GRIP1: variants seen among roughly 807,000 people sequenced by gnomAD.
GRIP1 encodes glutamate receptor interacting protein 1, also known as glutamate receptor-interacting protein 1.
In GRIP1, 45 loss-of-function variants were observed where a neutral mutation model predicts 129.9. That is an observed-to-expected ratio of 0.35 (90% confidence interval 0.27 to 0.44). The LOEUF (loss-of-function observed/expected upper bound fraction) is 0.44, where lower values mean the gene tolerates loss of function less well. GRIP1 is among the 20% of genes least tolerant of loss of function. GRIP1 has a pLI of 1.00. For synonymous variants in GRIP1, 530 were observed against 520.8 expected (o/e 1.02, Z -0.24); for missense variants, 1,196 against 1,396.8 (o/e 0.86, Z 2.29).
At chr12:66,894,511 C>G (rs1484601749) in intron 1 of GRIP1, among the ~76,000 whole-genome samples, 1 of 152,138 alleles carries the variant, frequency 6.6e-6, no homozygotes, top group Non-Finnish European at 1.5e-5. Context: ...AACAATGCTC[C>G]TTCTAGCTGC....
At chr12:66,980,841 G>T (rs1406398363) in intron 1 of GRIP1, among the ~76,000 whole-genome samples, 3 of 152,080 alleles carry the variant, frequency 2.0e-5, no homozygotes, top group African/African-American at 7.2e-5. Context: ...CGATTATTCA[G>T]TTTATTCATG....
chr12:66,815,854 T>TCTCTCTCTCTCTC lies in GRIP1; in HGVS notation c.59-218928_59-218927insGAGAGAGAGAGAG, dbSNP rs374620257. Among the ~76,000 whole-genome samples, 10 of 116,830 alleles carry TCTCTCTCTCTCTC rather than the reference T, an allele frequency of 8.6e-5. No individual in the cohort carries two copies. The South Asian group carries it at 9.9e-4, about 12-fold the overall frequency. 76.6% of individuals were successfully genotyped at this position (116,830 alleles called of 152,430 possible). A position where few individuals can be genotyped will look rare whatever the true frequency, so the allele number is the denominator to read the frequency against. On this transcript the variant is annotated intron_variant, in intron 1 of 1. Coordinates refer to the GRIP1 transcript ENST00000643019. ...TTTCTTTCTTTCTTTCTTTCTTTCT[T>TCTCTCTCTCTCTC]TCTCTCTCTCTCTCTCTCTCTCTCT... is the stretch of plus-strand genomic sequence containing the variant.
At chr12:66,437,089 T>A (rs978108587) in intron 13 of GRIP1, among the ~76,000 whole-genome samples, 1 of 152,118 alleles carries the variant, frequency 6.6e-6, no homozygotes, top group African/African-American at 2.4e-5. Flanking sequence ...GAGGAATTTG[T>A]CTCTGAGGTC....
rs118171463 is a variant in GRIP1, at chr12:66,944,408, C to T, written c.58+124642G>A. On this transcript the variant is annotated intron_variant, in intron 1 of 1. Transcript: ENST00000643019. ...CCTTTTAAGTAAATGTGACATATGG[C>T]TTGAAATTCAAGTTGATAGGATACT... 6.7e-3 allele frequency among the ~76,000 whole-genome samples: 1,022 copies of T among 152,024 alleles called. 6 individuals are homozygous for T. Among genetic ancestry groups the T allele is most frequent in the Non-Finnish European group, 0.011 (741 of 68,004 alleles).
intron 1 of GRIP1, among the ~76,000 whole-genome samples, chr12:66,799,515 GAAGT>G (rs1284111264): frequency 6.6e-6 from 1 of 152,078 alleles, no homozygotes; most frequent in African/African-American, 2.4e-5. Flanking sequence ...AAGCACTAGA[GAAGT>G]AAGGACAGCC....
chr12:66,519,498 C>T (rs79573731), intron 5 of GRIP1, among the ~76,000 whole-genome samples: 3,475 of 152,214 alleles, frequency 0.023, 124 homozygotes, highest in African/African-American at 0.08. Flanking sequence ...AGCAAGAAAT[C>T]GTTCCATAAT....
chr12:66,697,524 C>A (rs1272384955), intron 1 of GRIP1, among the ~76,000 whole-genome samples: 1 of 152,180 alleles, frequency 6.6e-6, no homozygotes, highest in Admixed American at 6.5e-5. Flanking sequence ...GCCGACAACA[C>A]AAATGCACCT....
chr12:66,999,269 C>A (rs1452015637), intron 1 of GRIP1, among the ~76,000 whole-genome samples: 1 of 152,094 alleles, frequency 6.6e-6, no homozygotes, highest in Non-Finnish European at 1.5e-5. Flanking sequence ...TGATTAATAT[C>A]TTATTTTATA....
At chr12:66,666,229 A>G (rs978342251) in intron 1 of GRIP1, among the ~76,000 whole-genome samples, 2 of 152,174 alleles carry the variant, frequency 1.3e-5, no homozygotes, top group Non-Finnish European at 1.5e-5. Context: ...AATATTTTTC[A>G]CTGGAGAATC....
At chr12:66,919,182 T>A (rs1261678007) in intron 1 of GRIP1, among the ~76,000 whole-genome samples, 1 of 152,200 alleles carries the variant, frequency 6.6e-6, no homozygotes. Flanking sequence ...AAATTATCAA[T>A]TTTTTAAGTG....
chr12:66,597,058 G>T, intron 1 of GRIP1, 131 bp from the exon 2 acceptor site: 1 of 742,346 alleles, frequency 1.3e-6, no homozygotes, highest in Non-Finnish European at 2.5e-6. Flanking sequence ...GTAGGCCTGG[G>T]TCCTATACTT....
At chr12:66,766,144 C>T (rs189380316) in intron 1 of GRIP1, among the ~76,000 whole-genome samples, 7 of 152,268 alleles carry the variant, frequency 4.6e-5, no homozygotes, top group South Asian at 2.1e-4. Flanking sequence ...GCTGACAACT[C>T]GAAACACTAG....
chr12:66,519,157 C>A (rs2060930456), intron 5 of GRIP1, among the ~76,000 whole-genome samples: 1 of 152,072 alleles, frequency 6.6e-6, no homozygotes, highest in Non-Finnish European at 1.5e-5. Flanking sequence ...AATTAAAAGG[C>A]ATTCACAGTT....
At chr12:66,695,866 A>C (rs1358050202) in intron 1 of GRIP1, among the ~76,000 whole-genome samples, 1 of 152,194 alleles carries the variant, frequency 6.6e-6, no homozygotes, top group Non-Finnish European at 1.5e-5. Context: ...CAAATTAGTG[A>C]GAAGAATGGA....
At chr12:66,804,781 T>C (rs2038954860), upstream of GRIP1, among the ~76,000 whole-genome samples, 1 of 152,220 alleles carries the variant, frequency 6.6e-6, no homozygotes, top group African/African-American at 2.4e-5. Flanking sequence ...AAAGCTATTG[T>C]TTTGCAATGG....
At chr12:66,940,294 T>A (rs2041563651) in intron 1 of GRIP1, among the ~76,000 whole-genome samples, 1 of 152,122 alleles carries the variant, frequency 6.6e-6, no homozygotes, top group South Asian at 2.1e-4. Flanking sequence ...AGAACTTCAA[T>A]CTCATCACCA....
intron 19 of GRIP1, among the ~76,000 whole-genome samples, chr12:66,389,198 T>C (rs1332130139): frequency 6.6e-6 from 1 of 152,060 alleles, no homozygotes; most frequent in South Asian, 2.1e-4. Context: ...ATAGGAAAAA[T>C]AAAAGTGTGG....
intron 2 of GRIP1, among the ~76,000 whole-genome samples, chr12:66,580,413 A>G (rs11831533): frequency 0.013 from 2,045 of 151,906 alleles, 42 homozygotes; most frequent in African/African-American, 0.047. Context: ...AACAATATTA[A>G]CTTTAAATGT....
intron 1 of GRIP1, among the ~76,000 whole-genome samples, chr12:66,810,328 C>T (rs1264052461): frequency 3.3e-5 from 5 of 152,224 alleles, no homozygotes; most frequent in African/African-American, 1.2e-4. Flanking sequence ...GAGGCCAAGG[C>T]GGGTGGATCA....
Sources: allele counts gnomAD v4.1 joint callset (sites outside exome capture counted in the v4.1 genomes callset), GRCh38; gene constraint gnomAD v4.1.1; transcripts MANE v1.5; gene names NCBI Gene and HGNC (gene_info 2026-07-23, HGNC 2026-07-21).